Variants in STARD13 observed in about 807,000 individuals in gnomAD.
STARD13 encodes StAR related lipid transfer domain containing 13, also known as stAR-related lipid transfer protein 13.
A neutral mutation model predicts 106.4 loss-of-function variants in STARD13; 62 were observed. The observed-to-expected ratio is 0.58, with a 90% confidence interval of 0.48 to 0.72. The LOEUF is 0.72. Among genes scored for constraint, STARD13 ranks in the 30% least tolerant of loss-of-function variants. The pLI is 0.00. For synonymous variants in STARD13, 565 were observed against 553.0 expected, an observed-to-expected ratio of 1.02 and a Z score of -0.31; for missense variants, 1,387 against 1,424.0, an observed-to-expected ratio of 0.97 and a Z score of 0.42.
the STARD13 span, among the ~76,000 whole-genome samples, chr13:33,668,044 C>T: frequency 1.3e-5 from 2 of 152,230 alleles, no homozygotes; most frequent in African/African-American, 2.4e-5. Context: ...ATTTTCTTTA[C>T]ATCACTTTCC....
At chr13:33,672,163 T>C in the STARD13 span, among the ~76,000 whole-genome samples, 1 of 152,128 alleles carries the variant, frequency 6.6e-6, no homozygotes, top group Non-Finnish European at 1.5e-5. Context: ...GTGGCACATA[T>C]ACCATGGAAT....
chr13:33,270,594 C>T (rs755413720), intron 1 of STARD13, among the ~76,000 whole-genome samples: 4 of 152,276 alleles, frequency 2.6e-5, no homozygotes, highest in East Asian at 3.9e-4. Context: ...ACAAAAATAT[C>T]GATGACTACC....
rs1332405336 is a variant in STARD13, at chr13:33,148,747, C to T, written c.324-6374G>A. 2.0e-5 allele frequency among the ~76,000 whole-genome samples: 3 copies of T among 152,336 alleles called. No homozygotes were observed. The East Asian group carries it at 5.8e-4, about 29-fold the overall frequency. ...TTTACTCAAATGAATGGAAAACTTA[C>T]ATCCACATGCAAACCTGCACGTAGG... On this transcript the variant is annotated intron_variant, in intron 3 of 13. Coordinates refer to ENST00000336934, the MANE Select transcript of STARD13 (RefSeq NM_178006.4).
the STARD13 span, among the ~76,000 whole-genome samples, chr13:33,496,198 T>C: frequency 6.8e-6 from 1 of 146,176 alleles, no homozygotes; most frequent in Non-Finnish European, 1.5e-5. Context: ...AATATACTTA[T>C]ATAATTTCTA....
the STARD13 span, among the ~76,000 whole-genome samples, chr13:33,608,065 A>G: frequency 6.6e-6 from 1 of 152,076 alleles, no homozygotes; most frequent in East Asian, 1.9e-4. Flanking sequence ...ATGTGCCACC[A>G]TGCCCTTTTT....
At chr13:33,127,886 A>T (rs1454849246) in intron 5 of STARD13, among the ~76,000 whole-genome samples, 1 of 150,310 alleles carries the variant, frequency 6.7e-6, no homozygotes, top group African/African-American at 2.4e-5. Flanking sequence ...TGTGTATGTG[A>T]GAGAGAGAGA....
the STARD13 span, among the ~76,000 whole-genome samples, chr13:33,441,109 A>C: frequency 2.0e-5 from 3 of 152,028 alleles, no homozygotes; most frequent in African/African-American, 7.2e-5. Flanking sequence ...CTGTTTGCTC[A>C]AATCAGAAAC....
At chr13:33,509,672 G>A in the STARD13 span, among the ~76,000 whole-genome samples, 1 of 152,152 alleles carries the variant, frequency 6.6e-6, no homozygotes, top group Non-Finnish European at 1.5e-5. Flanking sequence ...CAAAAGCTCT[G>A]GCTTTGTTAC....
At chr13:33,604,922 T>C in the STARD13 span, among the ~76,000 whole-genome samples, 1 of 152,020 alleles carries the variant, frequency 6.6e-6, no homozygotes, top group Admixed American at 6.6e-5. Flanking sequence ...TAGAGAGTTT[T>C]CTACTCACAG....
intron 1 of STARD13, among the ~76,000 whole-genome samples, chr13:33,250,760 C>T (rs1390788816): frequency 6.6e-6 from 1 of 152,220 alleles, no homozygotes; most frequent in African/African-American, 2.4e-5. Flanking sequence ...AGTACACTTG[C>T]TCTCTTCCTA....
rs1161550568 is a variant in STARD13, at chr13:33,135,857, T to TC, written c.388-5569dup. 2.0e-5 allele frequency among the ~76,000 whole-genome samples: 3 copies of TC among 152,208 alleles called. No homozygotes were observed. In the East Asian group the frequency reaches 5.8e-4, roughly 29 times the overall value. ...AAATCTTATGGCCAGGCATAGTGGC[T>TC]CATGCCTGTAATCCCAGCACTTTGG... is the stretch of plus-strand genomic sequence containing the variant. On this transcript the variant is annotated intron_variant, in intron 4 of 13. Coordinates refer to ENST00000336934, the MANE Select transcript of STARD13 (RefSeq NM_178006.4).
At chr13:33,358,307 A>C in the STARD13 span, among the ~76,000 whole-genome samples, 15 of 152,146 alleles carry the variant, frequency 9.9e-5, no homozygotes, top group Non-Finnish European at 2.2e-4. Flanking sequence ...CCCGAGGAGC[A>C]CCACCCCCTG....
At chr13:33,117,263 C>T (rs1875521646) in intron 8 of STARD13, among the ~76,000 whole-genome samples, 1 of 152,176 alleles carries the variant, frequency 6.6e-6, no homozygotes, top group Non-Finnish European at 1.5e-5. Flanking sequence ...CACCCGCCAC[C>T]ATGCCTGGCT....
At chr13:33,334,223 A>C (rs1348520572) in intron 1 of STARD13, among the ~76,000 whole-genome samples, 1 of 152,226 alleles carries the variant, frequency 6.6e-6, no homozygotes, top group South Asian at 2.1e-4. Context: ...CTCAACAATT[A>C]GGTTATTTTA....
chr13:33,425,545 C>A, the STARD13 span, among the ~76,000 whole-genome samples: 1 of 152,170 alleles, frequency 6.6e-6, no homozygotes, highest in Non-Finnish European at 1.5e-5. Context: ...TGATTGGGAT[C>A]TTTCACTAGA....
At chr13:33,595,682 GAACCA>G in the STARD13 span, among the ~76,000 whole-genome samples, 1 of 152,096 alleles carries the variant, frequency 6.6e-6, no homozygotes, top group Non-Finnish European at 1.5e-5. Flanking sequence ...TCACTCAGGG[GAACCA>G]AATACCAAGT....
the STARD13 span, among the ~76,000 whole-genome samples, chr13:33,377,398 A>C: frequency 6.6e-6 from 1 of 152,186 alleles, no homozygotes; most frequent in African/African-American, 2.4e-5. Flanking sequence ...GTGTGACTTT[A>C]ATGATACTGA....
At chr13:33,207,384 C>T (rs1255206103) in intron 1 of STARD13, among the ~76,000 whole-genome samples, 1 of 152,140 alleles carries the variant, frequency 6.6e-6, no homozygotes, top group Non-Finnish European at 1.5e-5. Flanking sequence ...CAACTGGAGT[C>T]TGTCAAATAA....
chr13:33,612,398 C>T, the STARD13 span, among the ~76,000 whole-genome samples: 2 of 152,154 alleles, frequency 1.3e-5, no homozygotes, highest in East Asian at 3.9e-4. Flanking sequence ...ATGATGCCTT[C>T]CTGTGTGTGT....
Sources: gnomAD v4.1 joint callset for allele counts (sites outside exome capture counted in the v4.1 genomes callset) on GRCh38, gnomAD v4.1.1 for gene constraint, MANE v1.5 for transcripts, NCBI Gene and HGNC (gene_info 2026-07-23, HGNC 2026-07-21) for gene names.